The following KCMF1 variants were observed in gnomAD, a reference collection of about 807,000 sequenced individuals.
KCMF1 encodes the protein potassium channel modulatory factor 1, also known as E3 ubiquitin-protein ligase KCMF1.
Under a neutral mutation model 41.1 loss-of-function variants are expected in KCMF1, and 3 were observed. That is an observed-to-expected ratio of 0.07 (90% confidence interval 0.03 to 0.19). The LOEUF (loss-of-function observed/expected upper bound fraction) is 0.19. KCMF1 is among the 10% of genes least tolerant of loss of function. The pLI, the probability that KCMF1 is intolerant of heterozygous loss-of-function variation, is 1.00. For synonymous variants in KCMF1, 142 were observed against 164.5 expected, an observed-to-expected ratio of 0.86 and a Z score of 1.04; for missense variants, 286 against 488.9, an observed-to-expected ratio of 0.58 and a Z score of 3.91.
rs2104076558 is a variant in KCMF1 at position 85,056,030 on chromosome 2, T to G, written c.*2621T>G. ...TCTGAACAAGTAGAAATAACTGTGC[T>G]TCCTTGTATGGCTGCAATCATAAGA... On this transcript the variant is annotated 3_prime_UTR_variant, in exon 7 of 7. Coordinates refer to ENST00000409785, the MANE Select transcript of KCMF1 (RefSeq NM_020122.5). 4 of 152,258 alleles carry G rather than the reference T, an allele frequency of 2.6e-5. 1 individual carries two copies. The East Asian group carries it at 7.7e-4, about 29-fold the overall frequency. The allele number at this position is 152,258 out of a possible 1,614,324, so 9.4% of individuals were successfully genotyped here.
intron 4 of KCMF1, among the ~76,000 whole-genome samples, chr2:85,045,708 A>G (rs1320611998): frequency 3.3e-5 from 5 of 152,208 alleles, no homozygotes; most frequent in Non-Finnish European, 5.9e-5. Context: ...CAAGAAATGC[A>G]AATCTGTTTT....
intron 1 of KCMF1, among the ~76,000 whole-genome samples, chr2:85,014,722 TGC>T (rs112212761): frequency 3.4e-3 from 486 of 141,774 alleles, no homozygotes; most frequent in South Asian, 9.7e-3. Flanking sequence ...CGTGCGTGCG[TGC>T]GTGTGTGTGT....
chr2:85,035,245 C>T (rs1464278661), intron 3 of KCMF1, 90 bp downstream of exon 3: 7 of 1,086,604 alleles, frequency 6.4e-6, no homozygotes, highest in African/African-American at 6.3e-5. Flanking sequence ...TCATCTGCTT[C>T]CTGCTCAGTG....
At chr2:85,045,314 C>T (rs1008103564) in intron 4 of KCMF1, among the ~76,000 whole-genome samples, 2 of 152,058 alleles carry the variant, frequency 1.3e-5, no homozygotes, top group South Asian at 4.2e-4. Context: ...ATCACTTTCT[C>T]TAGAACCCAA....
At position 85,054,500 on chromosome 2, in the gene KCMF1, C is replaced by A. The variant is rs1472481004; in HGVS notation, c.*1091C>A. ...TTTTTTCTGGCATAAAAAGTAAAGC[C>A]TTTTAATTGAATCATGCCACCTATA... On this transcript the variant is annotated 3_prime_UTR_variant, in exon 7 of 7. Transcript: ENST00000409785. The A allele has an allele frequency of 6.6e-6, 1 of 152,036 alleles. No homozygotes were observed. The highest frequency in any genetic ancestry group is 2.4e-5 in the African/African-American group (1 of 41,400). 9.4% of individuals were successfully genotyped at this position (152,036 alleles called of 1,614,324 possible).
intron 1 of KCMF1, among the ~76,000 whole-genome samples, chr2:85,017,306 G>A (rs1004810896): frequency 4.6e-5 from 7 of 152,102 alleles, no homozygotes; most frequent in Non-Finnish European, 1.5e-5. Context: ...GATTACAGGC[G>A]TGAGCCACCG....
chr2:84,986,813 TGGA>T (rs777064200), intron 1 of KCMF1, among the ~76,000 whole-genome samples: 10 of 149,870 alleles, frequency 6.7e-5, no homozygotes, highest in Non-Finnish European at 1.2e-4. Flanking sequence ...ACCCGAGAGG[TGGA>T]GGTTGCAGTG....
At chr2:85,005,590 T>C (rs760970236) in intron 1 of KCMF1, among the ~76,000 whole-genome samples, 6 of 152,128 alleles carry the variant, frequency 3.9e-5, no homozygotes, top group Non-Finnish European at 8.8e-5. Flanking sequence ...GTGCCTGGCC[T>C]AACTTTTTTT....
intron 1 of KCMF1, among the ~76,000 whole-genome samples, chr2:84,982,651 C>T (rs996498738): frequency 1.1e-4 from 17 of 151,940 alleles, no homozygotes; most frequent in Admixed American, 3.9e-4. Flanking sequence ...TACCTGCCTT[C>T]GCCACCCAAA....
chr2:85,039,759 G>A (rs1675481209), intron 3 of KCMF1, among the ~76,000 whole-genome samples: 1 of 152,084 alleles, frequency 6.6e-6, no homozygotes, highest in Non-Finnish European at 1.5e-5. Context: ...GGAAACTCGA[G>A]CAACAGCAGA....
rs1254106999 is a variant in KCMF1 at position 85,056,616 on chromosome 2, G to A, written c.*3207G>A. 6.6e-6 allele frequency: 1 copy of A among 152,244 alleles called. No homozygotes were observed. The highest frequency in any genetic ancestry group is 2.4e-5 in the African/African-American group (1 of 41,450). The allele number at this position is 152,244 out of a possible 1,614,324, so 9.4% of individuals were successfully genotyped here. On this transcript the variant is annotated 3_prime_UTR_variant, in exon 7 of 7. Coordinates refer to ENST00000409785, the MANE Select transcript of KCMF1 (RefSeq NM_020122.5). ...GGAGAATACTAGAGAGGTTACGGTAGCAGGTGGCTGCAGAAAAGAATCTTT... is the reference window on the plus strand; with the variant it reads ...GGAGAATACTAGAGAGGTTACGGTAACAGGTGGCTGCAGAAAAGAATCTTT...
chr2:85,047,284 C>G (rs1375499521), intron 5 of KCMF1, among the ~76,000 whole-genome samples: 6 of 152,092 alleles, frequency 3.9e-5, no homozygotes, highest in Non-Finnish European at 4.4e-5. Flanking sequence ...AAAAAAATGT[C>G]CAAAGCACAT....
chr2:84,994,710 C>G (rs1674135900), intron 1 of KCMF1, among the ~76,000 whole-genome samples: 1 of 151,956 alleles, frequency 6.6e-6, no homozygotes, highest in South Asian at 2.1e-4. Flanking sequence ...GCCAACAACA[C>G]TTCTTTAATA....
intron 1 of KCMF1, among the ~76,000 whole-genome samples, chr2:84,973,260 G>C (rs1348531661): frequency 6.6e-6 from 1 of 152,128 alleles, no homozygotes; most frequent in Admixed American, 6.5e-5. Context: ...GAAGTGTCCT[G>C]GGAAGAAAAT....
intron 1 of KCMF1, among the ~76,000 whole-genome samples, chr2:85,023,413 G>A (rs1362192361): frequency 6.7e-6 from 1 of 149,784 alleles, no homozygotes; most frequent in Non-Finnish European, 1.5e-5. Flanking sequence ...CCGCCTCCTG[G>A]GTTCACGCCA....
chr2:85,036,851 T>C (rs1675413808), intron 3 of KCMF1, among the ~76,000 whole-genome samples: 1 of 148,484 alleles, frequency 6.7e-6, no homozygotes, highest in African/African-American at 2.5e-5. Flanking sequence ...AATAAATATA[T>C]AACATTAATT....
rs1347200628 is a variant in KCMF1 at position 85,004,041 on chromosome 2, A to G, written c.17-23848A>G. 3.3e-5 allele frequency among the ~76,000 whole-genome samples: 5 copies of G among 152,206 alleles called. No homozygotes were observed. In the South Asian group the frequency reaches 8.3e-4, roughly 25 times the overall value. On this transcript the variant is annotated intron_variant, in intron 1 of 6. Transcript: ENST00000409785. ...GCTGCTAAGTGACTAGTGGGCAGGTATACAGCACAGATACGCCAAGCAAAG... is the reference window on the plus strand; with the variant it reads ...GCTGCTAAGTGACTAGTGGGCAGGTGTACAGCACAGATACGCCAAGCAAAG...
At chr2:84,972,012 G>T (rs965752794) in intron 1 of KCMF1, 1 of 152,138 alleles carries the variant, frequency 6.6e-6, no homozygotes, top group Non-Finnish European at 1.5e-5. Flanking sequence ...AAGGCTCTGC[G>T]GCCAAGGGAC....
intron 5 of KCMF1, among the ~76,000 whole-genome samples, 191 bp from the exon 6 acceptor site, chr2:85,049,175 G>A (rs531607350): frequency 2.0e-5 from 3 of 152,288 alleles, no homozygotes; most frequent in African/African-American, 7.2e-5. Flanking sequence ...GTATGCATTT[G>A]CATTCTCTGT....
Sources: allele counts gnomAD v4.1 joint callset (sites outside exome capture counted in the v4.1 genomes callset), GRCh38; gene constraint gnomAD v4.1.1; transcripts MANE v1.5; gene names NCBI Gene and HGNC (gene_info 2026-07-23, HGNC 2026-07-21).